PLCG1: variants seen among roughly 807,000 people sequenced by gnomAD.
PLCG1 encodes phospholipase C gamma 1.
A neutral mutation model predicts 177.8 loss-of-function variants in PLCG1; 71 were observed. That is an observed-to-expected ratio of 0.40 (90% confidence interval 0.33 to 0.49). The LOEUF (loss-of-function observed/expected upper bound fraction) is 0.49, where lower values mean the gene tolerates loss of function less well. Ranked by LOEUF, PLCG1 falls within the 20% of genes least tolerant of loss-of-function variation. PLCG1 has a pLI of 0.72. For missense variants in PLCG1, 1,281 were observed against 1,709.0 expected, an observed-to-expected ratio of 0.75 and a Z score of 4.42; for synonymous variants, 658 against 647.9, an observed-to-expected ratio of 1.02 and a Z score of -0.24.
chr20:41,163,734 C>T lies in PLCG1; in HGVS notation c.911C>T (p.Ser304Phe), dbSNP rs754364070. 1 of 1,611,800 alleles carries T rather than the reference C, an allele frequency of 6.2e-7. No homozygotes were observed. Among genetic ancestry groups the T allele is most frequent in the Non-Finnish European group, 8.5e-7 (1 of 1,177,884 alleles). ...FLDEFVTFLF[S>F]KENSVWNSQL... The stretch of plus-strand genomic sequence containing the variant: ...GGACAGTTTGTCACCTTCCTGTTCT[C>T]CAAAGAGAACAGTGTGTGGAACTCG... The change falls in exon 10 of 32, where the codon TCC becomes TTC. Residue 304 changes from serine (S) to phenylalanine (F), a missense_variant. This residue lies in a region of PLCG1 where 374 missense variants were observed against 443.8 expected (regional missense o/e 0.84). Coordinates refer to ENST00000685551, the MANE Select transcript of PLCG1 (RefSeq NM_002660.3). This position sits in a 1 kb window ranked among gnomAD's most constrained non-coding sequence, Gnocchi z 5.2.
chr20:41,163,233 G>C lies in PLCG1; in HGVS notation c.747G>C (p.Val249=). The part of the protein sequence containing the change: ...RAGERPELCR[V]SLPEFQQFLL... The stretch of plus-strand genomic sequence containing the variant: ...GGGAGCGGCCGGAGCTTTGCCGAGT[G>C]TCCCTTCCTGAGTTCCAGCAGTTCC... The change falls in exon 8 of 32, where the codon GTG becomes GTC. Residue 249 remains valine, a synonymous_variant. Transcript: ENST00000685551. This position sits in a 1 kb window ranked among gnomAD's most constrained non-coding sequence, Gnocchi z 5.2. The C allele has an allele frequency of 6.5e-7, 1 of 1,550,166 alleles. No homozygotes were observed. The highest frequency in any genetic ancestry group is 8.7e-7 in the Non-Finnish European group (1 of 1,150,724).
chr20:41,156,332 T>C lies in PLCG1; in HGVS notation c.218-3274T>C, dbSNP rs2035320189. ...AGCATTCACTGTGGGCTTGGGGACATGGTGCCATTCCTGAAGCCTGGGCAG... is the reference window on the plus strand; with the variant it reads ...AGCATTCACTGTGGGCTTGGGGACACGGTGCCATTCCTGAAGCCTGGGCAG... On this transcript the variant is annotated intron_variant, in intron 1 of 31. Coordinates refer to ENST00000685551, the MANE Select transcript of PLCG1 (RefSeq NM_002660.3). The surrounding 1 kb of genome is among the most constrained non-coding windows in gnomAD (Gnocchi z 5.0). 6.6e-6 allele frequency among the ~76,000 whole-genome samples: 1 copy of C among 152,102 alleles called. No individual in the cohort carries two copies. The highest frequency in any genetic ancestry group is 6.5e-5 in the Admixed American group (1 of 15,282).
Position 41,166,867 on chromosome 20 carries a change from G to T in PLCG1, c.2301+8G>T. 6.2e-7 allele frequency: 1 copy of T among 1,612,708 alleles called. No individual in the cohort carries two copies. The highest frequency in any genetic ancestry group is 8.5e-7 in the Non-Finnish European group (1 of 1,178,798). ...GAGAAGATTGGCACAGCTGTGAGGG[G>T]GCTGTGGTAGACGGGGCATGGCAGG... On this transcript the variant is annotated splice_region_variant and intron_variant, in intron 19 of 31. Coordinates refer to ENST00000685551, the MANE Select transcript of PLCG1 (RefSeq NM_002660.3). This position sits in a 1 kb window ranked among gnomAD's most constrained non-coding sequence, Gnocchi z 8.6.
rs1024686648 is a variant in PLCG1, at chr20:41,144,886, T to G, written c.217+7028T>G. Among the ~76,000 whole-genome samples, 4 of 152,270 alleles carry G rather than the reference T, an allele frequency of 2.6e-5. No homozygotes were observed. The East Asian group carries it at 7.7e-4, about 29-fold the overall frequency. Reference sequence around the variant, plus strand: ...AAAAAAAAACAAAAAACTAGCTTTCTTGGGCCTCAGTGGCTCATTGAATAA... The same window carrying G: ...AAAAAAAAACAAAAAACTAGCTTTCGTGGGCCTCAGTGGCTCATTGAATAA... On this transcript the variant is annotated intron_variant, in intron 1 of 31. Transcript: ENST00000685551. The surrounding 1 kb of genome is among the most constrained non-coding windows in gnomAD (Gnocchi z 4.1).
chr20:41,140,981 CTG>C (rs764526459), intron 1 of PLCG1, among the ~76,000 whole-genome samples: 5 of 152,218 alleles, frequency 3.3e-5, no homozygotes, highest in Non-Finnish European at 5.9e-5. Flanking sequence ...CGTGGCTCCT[CTG>C]TGAGACACCT....
At chr20:41,140,683 A>T (rs1445128631) in intron 1 of PLCG1, among the ~76,000 whole-genome samples, 1 of 152,156 alleles carries the variant, frequency 6.6e-6, no homozygotes, top group South Asian at 2.1e-4. Context: ...GGGGTGGGGA[A>T]GTGCTTAGGT....
chr20:41,166,774 G>C lies in PLCG1; in HGVS notation c.2216G>C (p.Ser739Thr), dbSNP rs34203315. 135 of 1,614,102 alleles carry C rather than the reference G, an allele frequency of 8.4e-5. 1 individual carries two copies. The African/African-American group carries it at 1.7e-3, about 21-fold the overall frequency. The part of the protein sequence containing the change: ...SEFDSLVDLI[S>T]YYEKHPLYRK... ...TTCGACAGCCTTGTTGACCTCATCA[G>C]CTACTATGAGAAACACCCGCTATAC... is the stretch of plus-strand genomic sequence containing the variant. The change falls in exon 19 of 32, where the codon AGC becomes ACC. Residue 739 changes from serine (S) to threonine (T), a missense_variant. By Grantham distance (58) the Ser-to-Thr change is moderately conservative. Coordinates refer to ENST00000685551, the MANE Select transcript of PLCG1 (RefSeq NM_002660.3). This position sits in a 1 kb window ranked among gnomAD's most constrained non-coding sequence, Gnocchi z 8.6.
chr20:41,163,645 C>A lies in PLCG1; in HGVS notation c.892-70C>A. ...GGACAGAGCACTCTCTCTCCTACCC[C>A]CAACCTACCATCTTGGGTTGGACAG... On this transcript the variant is annotated intron_variant, in intron 9 of 31. Coordinates refer to ENST00000685551, the MANE Select transcript of PLCG1 (RefSeq NM_002660.3). The surrounding 1 kb of genome is among the most constrained non-coding windows in gnomAD (Gnocchi z 5.2). 2 of 1,193,408 alleles carry A rather than the reference C, an allele frequency of 1.7e-6. No individual in the cohort carries two copies. Among genetic ancestry groups the A allele is most frequent in the Non-Finnish European group, 2.5e-6 (2 of 799,330 alleles). The allele number at this position is 1,193,408 out of a possible 1,614,324, so 73.9% of individuals were successfully genotyped here. A position where few individuals can be genotyped will look rare whatever the true frequency, so the allele number is the denominator to read the frequency against.
Position 41,173,404 on chromosome 20 carries a change from C to CT in PLCG1, c.3280-13dup. 6.4e-7 allele frequency: 1 copy of CT among 1,568,234 alleles called. No individual in the cohort carries two copies. Among genetic ancestry groups the CT allele is most frequent in the Non-Finnish European group, 8.6e-7 (1 of 1,156,210 alleles). On this transcript the variant is annotated splice_polypyrimidine_tract_variant and intron_variant, in intron 27 of 31. Transcript: ENST00000685551. The surrounding 1 kb of genome is among the most constrained non-coding windows in gnomAD (Gnocchi z 6.2). The stretch of plus-strand genomic sequence containing the variant: ...GCAGGAAGGACAATCCCAGGCCCTT[C>CT]TTTGTCTGCCTACAGGTGCTGGGGG...
At position 41,148,029 on chromosome 20, in the gene PLCG1, C is replaced by T. The variant is rs1240240643; in HGVS notation, c.217+10171C>T. Among the ~76,000 whole-genome samples the T allele has an allele frequency of 6.6e-6, 1 of 152,056 alleles. No individual in the cohort carries two copies. Among genetic ancestry groups the T allele is most frequent in the Non-Finnish European group, 1.5e-5 (1 of 68,012 alleles). On this transcript the variant is annotated intron_variant, in intron 1 of 31. Coordinates refer to ENST00000685551, the MANE Select transcript of PLCG1 (RefSeq NM_002660.3). The surrounding 1 kb of genome is among the most constrained non-coding windows in gnomAD (Gnocchi z 4.3). ...TGGCATGGCGCAAAGGGAGTGCAGC[C>T]AGATGCTGTGGCGGCTGGGTCAAGT... is the stretch of plus-strand genomic sequence containing the variant.
Position 41,159,635 on chromosome 20 carries a change from C to G in PLCG1, c.247C>G (p.Pro83Ala). 1.9e-6 allele frequency: 3 copies of G among 1,614,172 alleles called. No homozygotes were observed. Among genetic ancestry groups the G allele is most frequent in the Non-Finnish European group, 2.5e-6 (3 of 1,180,032 alleles). ...IDIREIKEIR[P>A]GKTSRDFDRY... The stretch of plus-strand genomic sequence containing the variant: ...CATTCGTGAAATTAAGGAGATCCGC[C>G]CAGGGAAGACCTCACGGGACTTTGA... Residue 83 changes from proline (P) to alanine (A), a missense_variant, in exon 2 of 32, where the codon CCA (proline) becomes GCA (alanine). Around this residue, in one of 4 missense-constraint regions of PLCG1, gnomAD observed 374 missense variants for 443.8 expected, o/e 0.84. Transcript: ENST00000685551. The surrounding 1 kb of genome is among the most constrained non-coding windows in gnomAD (Gnocchi z 6.0).
At position 41,162,313 on chromosome 20, in the gene PLCG1, TC is replaced by T. The variant is rs370356413; in HGVS notation, c.513-138del. The T allele has an allele frequency of 1.3e-4, 74 of 556,810 alleles. 4 individuals carry two copies. The highest frequency in any genetic ancestry group is 9.7e-4 in the African/African-American group (50 of 51,300). The allele number at this position is 556,810 out of a possible 1,614,324, so 34.5% of individuals were successfully genotyped here. On this transcript the variant is annotated intron_variant, in intron 4 of 31. Transcript: ENST00000685551. ...AAGGGACTAACCTCACCCCATGGGT[TC>T]TGATCCAGTCTTGCCCTCAGGCCTC...
In PLCG1 at chr20:41,176,482, G is replaced by T. The variant is rs2036067805; in HGVS notation, c.*1973G>T. 1 of 152,224 alleles carries T rather than the reference G, an allele frequency of 6.6e-6. No homozygotes were observed. The highest frequency in any genetic ancestry group is 6.5e-5 in the Admixed American group (1 of 15,282). 9.4% of individuals were successfully genotyped at this position (152,224 alleles called of 1,614,324 possible). On this transcript the variant is annotated 3_prime_UTR_variant, in exon 32 of 32. Transcript: ENST00000685551. ...GAGGACTGTGTAGGCCCTTCTGTTA[G>T]GGCCCATCCACGTTGGTTAGGACGT...
In PLCG1 at chr20:41,137,794, C is replaced by A. The variant is rs1319201373; in HGVS notation, c.153C>A (p.Phe51Leu). ...CGCAGCGACCCGAGCGGAAGACCTT[C>A]CAGGTCAAGCTGGAGACGCGCCAGA... ...KKSQRPERKTFQVKLETRQIT... is the reference protein window; with the variant it reads ...KKSQRPERKTLQVKLETRQIT... Residue 51 changes from phenylalanine (F) to leucine (L), a missense_variant, in exon 1 of 32, where the codon TTC becomes TTA. Phe to Leu is a conservative substitution (Grantham distance 22). Around this residue, in one of 4 missense-constraint regions of PLCG1, gnomAD observed 374 missense variants for 443.8 expected, o/e 0.84. Transcript: ENST00000685551. This position sits in a 1 kb window ranked among gnomAD's most constrained non-coding sequence, Gnocchi z 7.3. The A allele has an allele frequency of 1.5e-6, 2 of 1,302,670 alleles. No individual in the cohort carries two copies. Among genetic ancestry groups the A allele is most frequent in the African/African-American group, 1.5e-5 (1 of 65,840 alleles). The allele number at this position is 1,302,670 out of a possible 1,614,324, so 80.7% of individuals were successfully genotyped here.
Position 41,164,898 on chromosome 20 carries a change from A to G in PLCG1, c.1218-35A>G. The G allele has an allele frequency of 6.3e-7, 1 of 1,596,034 alleles. No individual in the cohort carries two copies. The highest frequency in any genetic ancestry group is 8.6e-7 in the Non-Finnish European group (1 of 1,167,622). On this transcript the variant is annotated intron_variant, in intron 12 of 31. Transcript: ENST00000685551. The surrounding 1 kb of genome is among the most constrained non-coding windows in gnomAD (Gnocchi z 6.4). ...GCTACTTAGACCCAGAGAATTGCAGAATCTGTTTCACTGTGCTTGTCCCCC... is the reference window on the plus strand; with the variant it reads ...GCTACTTAGACCCAGAGAATTGCAGGATCTGTTTCACTGTGCTTGTCCCCC...
chr20:41,172,783 A>G lies in PLCG1; in HGVS notation c.3185A>G (p.Tyr1062Cys), dbSNP rs1463335643. ...TTCATGACGGGCAGGCACTGTGGCT[A>G]CGTGCTGCAGCCAAGCACCATGCGG... ...ALFMTGRHCG[Y>C]VLQPSTMRDE... The change falls in exon 27 of 32, where the codon TAC (tyrosine) becomes TGC (cysteine). Residue 1062 changes from tyrosine to cysteine, a missense_variant. This residue lies in a region of PLCG1 where 723 missense variants were observed against 1,030.0 expected (regional missense o/e 0.70). Transcript: ENST00000685551. This position sits in a 1 kb window ranked among gnomAD's most constrained non-coding sequence, Gnocchi z 7.0. The G allele has an allele frequency of 6.2e-7, 1 of 1,614,136 alleles. No individual in the cohort carries two copies. The highest frequency in any genetic ancestry group is 8.5e-7 in the Non-Finnish European group (1 of 1,179,984).
Position 41,163,060 on chromosome 20 carries a change from G to A in PLCG1, c.716+68G>A, listed in dbSNP as rs1600660127. Reference sequence around the variant, plus strand: ...TTCATCTCTCCACTGGGCGATTCTTGATCCAGGTGGGAGGCAGTGGGAGTA... The same window carrying A: ...TTCATCTCTCCACTGGGCGATTCTTAATCCAGGTGGGAGGCAGTGGGAGTA... On this transcript the variant is annotated intron_variant, in intron 7 of 31. Transcript: ENST00000685551. This position sits in a 1 kb window ranked among gnomAD's most constrained non-coding sequence, Gnocchi z 5.2. The A allele has an allele frequency of 3.2e-6, 5 of 1,553,882 alleles. No individual in the cohort carries two copies. In the East Asian group the frequency reaches 1.1e-4, roughly 35 times the overall value.
chr20:41,160,333 T>C lies in PLCG1; in HGVS notation c.512+180T>C, dbSNP rs1301823355. ...TCTGCACAAAGTCCTCTGGTGGCCT[T>C]GGTGTGAGCTGGTGAGAGGAGCCAG... On this transcript the variant is annotated intron_variant, in intron 4 of 31. Coordinates refer to ENST00000685551, the MANE Select transcript of PLCG1 (RefSeq NM_002660.3). This position sits in a 1 kb window ranked among gnomAD's most constrained non-coding sequence, Gnocchi z 5.5. 6.6e-6 allele frequency among the ~76,000 whole-genome samples: 1 copy of C among 152,122 alleles called. No individual in the cohort carries two copies.
At chr20:41,145,307 G>T (rs1328804788) in intron 1 of PLCG1, among the ~76,000 whole-genome samples, 1 of 152,190 alleles carries the variant, frequency 6.6e-6, no homozygotes, top group Non-Finnish European at 1.5e-5. Context: ...TTTGGAGTAT[G>T]GAGGTTTAGA....
Sources: gnomAD v4.1 joint callset for allele counts (sites outside exome capture counted in the v4.1 genomes callset) on GRCh38, gnomAD v4.1.1 for gene constraint, gnomAD v4.1.1 regional missense constraint, Gnocchi (gnomAD v3.1) non-coding constraint, MANE v1.5 for transcripts, NCBI Gene and HGNC (gene_info 2026-07-23, HGNC 2026-07-21) for gene names.